Variants in SH3BP1 observed in about 807,000 individuals in gnomAD.
SH3BP1 encodes SH3 domain-binding protein 1.
A neutral mutation model predicts 69.8 loss-of-function variants in SH3BP1; 46 were observed. The ratio of observed to expected loss-of-function variants is 0.66; its 90% CI spans 0.52 to 0.84. SH3BP1 has a LOEUF of 0.84. SH3BP1 is among the 40% of genes least tolerant of loss of function. The pLI, the probability that SH3BP1 is intolerant of heterozygous loss-of-function variation, is 0.00. For synonymous variants in SH3BP1, 403 were observed against 378.0 expected (o/e 1.07, Z -0.77); for missense variants, 868 against 930.9 (o/e 0.93, Z 0.88).
chr22:37,646,590 C>G (rs1321458594), intron 10 of SH3BP1, among the ~76,000 whole-genome samples: 1 of 152,184 alleles, frequency 6.6e-6, no homozygotes, highest in South Asian at 2.1e-4. Flanking sequence ...TTCCATTTCC[C>G]CATGATTTTT....
At chr22:37,651,866 G>A (rs1269623833) in intron 16 of SH3BP1, among the ~76,000 whole-genome samples, 1 of 151,882 alleles carries the variant, frequency 6.6e-6, no homozygotes, top group African/African-American at 2.4e-5. Flanking sequence ...CTAAGGGAGG[G>A]GGAGCAGGTT....
At chr22:37,640,803 T>G in intron 1 of SH3BP1, 1 of 395,474 alleles carries the variant, frequency 2.5e-6, no homozygotes, top group Non-Finnish European at 4.6e-6. Context: ...GATTTGGGAG[T>G]GGGCAGAAAA....
In SH3BP1 at chr22:37,646,897, A is replaced by T. The variant is rs1294971750; in HGVS notation, c.1004A>T (p.Glu335Val). Residue 335 changes from glutamate (E) to valine (V), a missense_variant, in exon 11 of 18, where the codon GAG (glutamate) becomes GTG (valine). By Grantham distance (121) the Glu-to-Val change is moderately radical. This residue lies in a region of SH3BP1 where 387 missense variants were observed against 447.9 expected (regional missense o/e 0.86). Transcript: ENST00000649765. Reference sequence around the variant, plus strand: ...ATGGCCTCGGACCCCCACAGCCTGGAGGAGTTCTGCTCCGACCCGCACGCT... The same window carrying T: ...ATGGCCTCGGACCCCCACAGCCTGGTGGAGTTCTGCTCCGACCCGCACGCT... Reference protein sequence around the residue: ...QTMASDPHSLEEFCSDPHAVA... With the variant: ...QTMASDPHSLVEFCSDPHAVA... 1 of 1,562,218 alleles carries T rather than the reference A, an allele frequency of 6.4e-7. No individual in the cohort carries two copies. The highest frequency in any genetic ancestry group is 1.3e-5 in the African/African-American group (1 of 74,348).
intron 3 of SH3BP1, 23 bp from the exon 4 acceptor site, chr22:37,642,516 C>T (rs1269651818): frequency 3.7e-6 from 6 of 1,611,722 alleles, no homozygotes; most frequent in South Asian, 2.2e-5. Flanking sequence ...GGACACTCAT[C>T]GCCGGCCCCA....
At chr22:37,653,938 C>T (rs1435245575) in intron 17 of SH3BP1, 65 bp downstream of exon 17, 3 of 1,176,980 alleles carry the variant, frequency 2.5e-6, no homozygotes, top group African/African-American at 3.0e-5. Context: ...CAGGCAGTCC[C>T]AGGTCCTCCT....
In SH3BP1 at chr22:37,655,798, G is replaced by A; in HGVS notation, c.*114G>A. 3 of 1,449,662 alleles carry A rather than the reference G, an allele frequency of 2.1e-6. No individual in the cohort carries two copies. Among genetic ancestry groups the A allele is most frequent in the Non-Finnish European group, 2.7e-6 (3 of 1,107,502 alleles). 89.8% of individuals were successfully genotyped at this position (1,449,662 alleles called of 1,614,324 possible). A position where few individuals can be genotyped will look rare whatever the true frequency, so the allele number is the denominator to read the frequency against. The stretch of plus-strand genomic sequence containing the variant: ...ATGGGCCTCCAGCCTTTGCCCACAA[G>A]TGCCTCAGTGCCCACTGGGTCGGCC... On this transcript the variant is annotated 3_prime_UTR_variant, in exon 18 of 18. Transcript: ENST00000649765.
At chr22:37,641,773 CAG>C in intron 3 of SH3BP1, 1 of 362,968 alleles carries the variant, frequency 2.8e-6, no homozygotes, top group South Asian at 4.4e-5. Flanking sequence ...GGGGCGGCCT[CAG>C]AGGGTTTCCT....
intron 10 of SH3BP1, among the ~76,000 whole-genome samples, chr22:37,646,550 C>T (rs1427406163): frequency 6.6e-6 from 1 of 152,214 alleles, no homozygotes; most frequent in Admixed American, 6.5e-5. Flanking sequence ...GCCACTGCAC[C>T]CGGCCCCTCC....
chr22:37,641,797 C>A, intron 3 of SH3BP1: 1 of 324,416 alleles, frequency 3.1e-6, no homozygotes. Flanking sequence ...AAGGAGGTAG[C>A]AATTGAGCTG....
chr22:37,655,285 G>A lies in SH3BP1; in HGVS notation c.1707G>A (p.Ala569=), dbSNP rs1015910581. 7 of 1,580,258 alleles carry A rather than the reference G, an allele frequency of 4.4e-6. No individual in the cohort carries two copies. The highest frequency in any genetic ancestry group is 1.7e-5 in the Admixed American group (1 of 58,024). Residue 569 remains alanine, a synonymous_variant, in exon 18 of 18, where the codon GCG becomes GCA. Coordinates refer to ENST00000649765, the MANE Select transcript of SH3BP1 (RefSeq NM_018957.6). ...CTTCCTCAACAGCCAAGCGCCCGGCGCCAGCCCGGCCCACCATGCCGCCCC... is the reference window on the plus strand; with the variant it reads ...CTTCCTCAACAGCCAAGCGCCCGGCACCAGCCCGGCCCACCATGCCGCCCC... ...EDMARRTKRP[A]PARPTMPPPQ...
chr22:37,651,617 A>C (rs1932881336), intron 16 of SH3BP1, among the ~76,000 whole-genome samples: 1 of 152,096 alleles, frequency 6.6e-6, no homozygotes, highest in South Asian at 2.1e-4. Context: ...GGCATGAGCC[A>C]CAGTGCTTGG....
chr22:37,653,827 G>A lies in SH3BP1; in HGVS notation c.1647G>A (p.Arg549=). 4 of 1,611,890 alleles carry A rather than the reference G, an allele frequency of 2.5e-6. No individual in the cohort carries two copies. Among genetic ancestry groups the A allele is most frequent in the Non-Finnish European group, 3.4e-6 (4 of 1,178,754 alleles). The change falls in exon 17 of 18, where the codon AGG becomes AGA. Residue 549 remains arginine, a synonymous_variant. Coordinates refer to ENST00000649765, the MANE Select transcript of SH3BP1 (RefSeq NM_018957.6). ...GACCAGCCTCCCCCAAGGTCACCAG[G>A]AGTCCCCCGGAGACAGCTGCCCCAG... ...PPRPASPKVT[R]SPPETAAPVE...
At chr22:37,654,421 A>G (rs1932957676) in intron 17 of SH3BP1, among the ~76,000 whole-genome samples, 1 of 152,034 alleles carries the variant, frequency 6.6e-6, no homozygotes, top group South Asian at 2.1e-4. Flanking sequence ...AAATACAAAA[A>G]TTAGCTGGGC....
chr22:37,640,439 G>A (rs951089052), intron 1 of SH3BP1: 2 of 152,356 alleles, frequency 1.3e-5, no homozygotes, highest in African/African-American at 4.8e-5. Flanking sequence ...CCCAGCCTCT[G>A]AGCCGGTGGC....
intron 6 of SH3BP1, 57 bp from the exon 7 acceptor site, chr22:37,643,587 C>T (rs1932693913): frequency 5.0e-6 from 8 of 1,611,592 alleles, no homozygotes; most frequent in Non-Finnish European, 6.8e-6. Context: ...GGAGGGGACA[C>T]TTGGCTCTGG....
intron 14 of SH3BP1, chr22:37,649,810 A>G (rs2146065873): frequency 2.9e-6 from 1 of 342,848 alleles, no homozygotes; most frequent in South Asian, 3.0e-5. Context: ...TAATAAAATT[A>G]AAGTGTAAAG....
intron 13 of SH3BP1, 148 bp downstream of exon 13, chr22:37,647,669 T>C: frequency 2.2e-6 from 1 of 451,650 alleles, no homozygotes. Context: ...TAGTCATTTA[T>C]ATATATAATT....
In SH3BP1 at chr22:37,653,670, C is replaced by G. The variant is rs113305715; in HGVS notation, c.1599-109C>G. The G allele has an allele frequency of 4.0e-6, 3 of 756,606 alleles. No individual in the cohort carries two copies. In the Admixed American group the frequency reaches 6.0e-5, roughly 15 times the overall value. The allele number at this position is 756,606 out of a possible 1,614,324, so 46.9% of individuals were successfully genotyped here. On this transcript the variant is annotated intron_variant, in intron 16 of 17. Coordinates refer to ENST00000649765, the MANE Select transcript of SH3BP1 (RefSeq NM_018957.6). ...GGCATGGGGACAGAGTGATAGAGAGCGAGTGCTGGGAGGATCCGGACTCCA... is the reference window on the plus strand; with the variant it reads ...GGCATGGGGACAGAGTGATAGAGAGGGAGTGCTGGGAGGATCCGGACTCCA...
intron 14 of SH3BP1, among the ~76,000 whole-genome samples, chr22:37,649,144 G>A (rs144720465): frequency 2.2e-3 from 334 of 152,224 alleles, no homozygotes; most frequent in African/African-American, 7.6e-3. Context: ...AACTTTGAGG[G>A]CTTTTGCTTT....
Sources: gnomAD v4.1 joint callset for allele counts (sites outside exome capture counted in the v4.1 genomes callset) on GRCh38, gnomAD v4.1.1 for gene constraint, gnomAD v4.1.1 regional missense constraint, MANE v1.5 for transcripts, NCBI Gene and HGNC (gene_info 2026-07-23, HGNC 2026-07-21) for gene names.